Variants in ZNF746 observed in about 807,000 individuals in gnomAD.
ZNF746 encodes zinc finger protein 746, also known as parkin-interacting substrate.
A neutral mutation model predicts 41.0 loss-of-function variants in ZNF746; 13 were observed. The observed-to-expected ratio is 0.32, with a 90% CI of 0.21 to 0.50. The LOEUF is 0.50. Ranked by LOEUF, ZNF746 falls within the 20% of genes least tolerant of loss-of-function variation. ZNF746 has a pLI of 0.98. For synonymous variants in ZNF746, 424 were observed against 396.2 expected (o/e 1.07, Z -0.83); for missense variants, 811 against 922.9 (o/e 0.88, Z 1.57).
At chr7:149,495,526 C>T (rs573699946) in intron 1 of ZNF746, among the ~76,000 whole-genome samples, 12 of 152,284 alleles carry the variant, frequency 7.9e-5, no homozygotes, top group African/African-American at 2.9e-4. Context: ...TTGAGCCACC[C>T]ACATCTGAAT....
chr7:149,492,827 T>C (rs372852936), intron 4 of ZNF746, 32 bp downstream of exon 4: 12 of 1,488,344 alleles, frequency 8.1e-6, no homozygotes, highest in Non-Finnish European at 1.1e-5. Flanking sequence ...GCACAATACC[T>C]GATGCCTCCC....
chr7:149,474,647 G>T lies in ZNF746; in HGVS notation c.1720C>A (p.Arg574=). Residue 574 remains arginine, a synonymous_variant, in exon 7 of 7, where the codon CGA becomes AGA. Transcript: ENST00000458143. This position sits in a 1 kb window ranked among gnomAD's most constrained non-coding sequence, Gnocchi z 6.3. ...AAGGGCCGCACGCCCGTGTGCGTTC[G>T]GTAGTGGTCGATGAGCTTGGAGCGT... ...TERSKLIDHY[R]THTGVRPFTC... 3 of 1,613,400 alleles carry T rather than the reference G, an allele frequency of 1.9e-6. No individual in the cohort carries two copies. The highest frequency in any genetic ancestry group is 1.7e-6 in the Non-Finnish European group (2 of 1,179,764).
Position 149,497,520 on chromosome 7 carries a change from G to A in ZNF746, c.17C>T (p.Ala6Val), listed in dbSNP as rs1321819207. Residue 6 changes from alanine to valine, a missense_variant, in exon 1 of 7, where the codon GCG becomes GTG. Physicochemically the swap from Ala to Val is moderately conservative, Grantham distance 64. Around this residue, in one of 4 missense-constraint regions of ZNF746, gnomAD observed 147 missense variants for 233.4 expected, o/e 0.63. Transcript: ENST00000458143. This position sits in a 1 kb window ranked among gnomAD's most constrained non-coding sequence, Gnocchi z 4.2. Reference protein sequence around the residue: MAEAVAAPISPWTMAA... With the variant: MAEAVVAPISPWTMAA... ...CGCGCGGGTCGCCCTTACCGGAGCC[G>A]CGACCGCCTCGGCCATGGCCCTGCG... The A allele has an allele frequency of 9.1e-7, 1 of 1,101,988 alleles. No homozygotes were observed. Among genetic ancestry groups the A allele is most frequent in the Non-Finnish European group, 1.1e-6 (1 of 907,318 alleles). The allele number at this position is 1,101,988 out of a possible 1,614,324, so 68.3% of individuals were successfully genotyped here.
In ZNF746 at chr7:149,497,527, C is replaced by T; in HGVS notation, c.10G>A (p.Ala4Thr). The change falls in exon 1 of 7, where the codon GCG (alanine) becomes ACG (threonine). Residue 4 changes from alanine to threonine, a missense_variant. By Grantham distance (58) the Ala-to-Thr change is moderately conservative (BLOSUM62 0). Transcript: ENST00000458143. This position sits in a 1 kb window ranked among gnomAD's most constrained non-coding sequence, Gnocchi z 4.2. MAE[A>T]VAAPISPWTM... Reference sequence around the variant, plus strand: ...GTCGCCCTTACCGGAGCCGCGACCGCCTCGGCCATGGCCCTGCGCTGTCCC... The same window carrying T: ...GTCGCCCTTACCGGAGCCGCGACCGTCTCGGCCATGGCCCTGCGCTGTCCC... The T allele has an allele frequency of 1.8e-6, 2 of 1,100,866 alleles. No homozygotes were observed. The highest frequency in any genetic ancestry group is 2.2e-6 in the Non-Finnish European group (2 of 906,472). The allele number at this position is 1,100,866 out of a possible 1,614,324, so 68.2% of individuals were successfully genotyped here. A position where few individuals can be genotyped will look rare whatever the true frequency, so the allele number is the denominator to read the frequency against.
chr7:149,495,397 T>C (rs997773623), intron 1 of ZNF746, among the ~76,000 whole-genome samples: 3 of 152,138 alleles, frequency 2.0e-5, no homozygotes, highest in African/African-American at 4.8e-5. Flanking sequence ...ACAGCAACCA[T>C]CTTAATTAGA....
rs147005430 is a variant in ZNF746, at chr7:149,475,167, C to T, written c.1200G>A (p.Arg400=). Residue 400 remains arginine (R), a synonymous_variant, in exon 7 of 7, where the codon CGG becomes CGA. Transcript: ENST00000458143. ...FGGVRWGWNF[R]CKPPVGLNPR... ...GGTTCAGGCCCACTGGCGGTTTACACCGGAAATTCCAGCCCCACCGGACCC... is the reference window on the plus strand; with the variant it reads ...GGTTCAGGCCCACTGGCGGTTTACATCGGAAATTCCAGCCCCACCGGACCC... The T allele has an allele frequency of 5.2e-5, 84 of 1,612,510 alleles. No individual in the cohort carries two copies. The highest frequency in any genetic ancestry group is 7.0e-5 in the Non-Finnish European group (82 of 1,179,806).
At position 149,497,422 on chromosome 7, in the gene ZNF746, C is replaced by T. The variant is rs1163472328; in HGVS notation, c.24+91G>A. On this transcript the variant is annotated intron_variant, in intron 1 of 6. Transcript: ENST00000458143. This position sits in a 1 kb window ranked among gnomAD's most constrained non-coding sequence, Gnocchi z 4.2. ...CGGTGGTCCGGCCCGGACCCCGGAA[C>T]CCCTCCCCAGGGCCTGCGGCGCCGT... 2.1e-5 allele frequency: 22 copies of T among 1,030,940 alleles called. No individual in the cohort carries two copies. The highest frequency in any genetic ancestry group is 2.3e-5 in the Non-Finnish European group (20 of 857,690). 63.9% of individuals were successfully genotyped at this position (1,030,940 alleles called of 1,614,324 possible).
intron 4 of ZNF746, among the ~76,000 whole-genome samples, chr7:149,478,954 G>A (rs1203943586): frequency 6.6e-6 from 1 of 152,228 alleles, no homozygotes; most frequent in Non-Finnish European, 1.5e-5. Flanking sequence ...ACTTGGGAGA[G>A]AGATCCAGGG....
intron 4 of ZNF746, chr7:149,491,582 G>A: frequency 2.4e-6 from 1 of 413,220 alleles, no homozygotes; most frequent in Non-Finnish European, 4.5e-6. Flanking sequence ...AACTGTCAAT[G>A]TCCCGATGAC....
At chr7:149,492,551 G>A (rs964516362) in intron 4 of ZNF746, among the ~76,000 whole-genome samples, 1 of 152,166 alleles carries the variant, frequency 6.6e-6, no homozygotes, top group Non-Finnish European at 1.5e-5. Context: ...CCTGCGTTAA[G>A]GGTCAACTAT....
chr7:149,475,436 C>G lies in ZNF746; in HGVS notation c.931G>C (p.Val311Leu). ...TCAGTAGGATGTACGGGTGTGGCCA[C>G]CACCTCCTCTTCCTGGACTTCTGTT... is the stretch of plus-strand genomic sequence containing the variant. ...IKTEVQEEEVVATPVHPTDLE... is the reference protein window; with the variant it reads ...IKTEVQEEEVLATPVHPTDLE... The change falls in exon 7 of 7, where the codon GTG (valine) becomes CTG (leucine). Residue 311 changes from valine (V) to leucine (L), a missense_variant. Coordinates refer to ENST00000458143, the MANE Select transcript of ZNF746 (RefSeq NM_001394198.1). 1 of 1,613,428 alleles carries G rather than the reference C, an allele frequency of 6.2e-7. No homozygotes were observed. The highest frequency in any genetic ancestry group is 8.5e-7 in the Non-Finnish European group (1 of 1,179,776).
chr7:149,475,404 C>T lies in ZNF746; in HGVS notation c.963G>A (p.Glu321=). ...CTGGTCCAAACAGGGTCCCGTGAGC[C>T]TCTAGGTCAGTAGGATGTACGGGTG... ...VATPVHPTDL[E]AHGTLFGPGQ... is the part of the protein sequence containing the mutation. The change falls in exon 7 of 7, where the codon GAG becomes GAA. Residue 321 remains glutamate (E), a synonymous_variant. Transcript: ENST00000458143. The T allele has an allele frequency of 6.2e-7, 1 of 1,614,212 alleles. No homozygotes were observed. Among genetic ancestry groups the T allele is most frequent in the Non-Finnish European group, 8.5e-7 (1 of 1,180,028 alleles).
chr7:149,488,056 A>C (rs1332640344), intron 4 of ZNF746: 2 of 152,230 alleles, frequency 1.3e-5, no homozygotes, highest in Non-Finnish European at 2.9e-5. Flanking sequence ...TGACAAAGAG[A>C]CCAATGACAC....
In ZNF746 at chr7:149,497,175, G is replaced by A. The variant is rs1012673703; in HGVS notation, c.24+338C>T. On this transcript the variant is annotated intron_variant, in intron 1 of 6. Coordinates refer to ENST00000458143, the MANE Select transcript of ZNF746 (RefSeq NM_001394198.1). The surrounding 1 kb of genome is among the most constrained non-coding windows in gnomAD (Gnocchi z 4.2). The stretch of plus-strand genomic sequence containing the variant: ...AGAGGGACCTACAGGCCGAGCGCCA[G>A]GCAGAGAAAGGAGCCGCGGGTGGGG... The A allele has an allele frequency of 1.1e-5, 11 of 985,376 alleles. No homozygotes were observed. Among genetic ancestry groups the A allele is most frequent in the Non-Finnish European group, 1.3e-5 (11 of 829,902 alleles). The allele number at this position is 985,376 out of a possible 1,614,324, so 61.0% of individuals were successfully genotyped here. A position where few individuals can be genotyped will look rare whatever the true frequency, so the allele number is the denominator to read the frequency against.
At chr7:149,482,992 GC>G (rs1207707328) in intron 4 of ZNF746, among the ~76,000 whole-genome samples, 1 of 152,010 alleles carries the variant, frequency 6.6e-6, no homozygotes, top group Non-Finnish European at 1.5e-5. Flanking sequence ...GAAAACACAA[GC>G]TTTTTAAGCT....
rs1419501765 is a variant in ZNF746 at position 149,477,754 on chromosome 7, G to A, written c.567C>T (p.Gly189=). Residue 189 remains glycine, a splice_region_variant and synonymous_variant, in exon 5 of 7, where the codon GGC becomes GGT. Transcript: ENST00000458143. Reference sequence around the variant, plus strand: ...CTGGGGCGGGAACTGGGGGCCCCGAGCCTAGGAAAGGGAGTGAGTGTGAGG... The same window carrying A: ...CTGGGGCGGGAACTGGGGGCCCCGAACCTAGGAAAGGGAGTGAGTGTGAGG... ...IPDVPVDPSP[G]SGPPVPAPDL... 1.2e-6 allele frequency: 2 copies of A among 1,601,912 alleles called. No individual in the cohort carries two copies. Among genetic ancestry groups the A allele is most frequent in the South Asian group, 2.2e-5 (2 of 90,334 alleles).
chr7:149,474,918 G>T lies in ZNF746; in HGVS notation c.1449C>A (p.Ser483Arg). 1 of 1,540,510 alleles carries T rather than the reference G, an allele frequency of 6.5e-7. No homozygotes were observed. Among genetic ancestry groups the T allele is most frequent in the Non-Finnish European group, 8.7e-7 (1 of 1,146,368 alleles). Residue 483 changes from serine (S) to arginine (R), a missense_variant, in exon 7 of 7, where the codon AGC becomes AGA. Ser to Arg is a moderately radical substitution (Grantham distance 110). This residue lies in a region of ZNF746 where 495 missense variants were observed against 481.6 expected (regional missense o/e 1.03). Coordinates refer to ENST00000458143, the MANE Select transcript of ZNF746 (RefSeq NM_001394198.1). This position sits in a 1 kb window ranked among gnomAD's most constrained non-coding sequence, Gnocchi z 6.3. ...TCGKSFQLQV[S>R]LSAHQRSCGA... is the part of the protein sequence containing the mutation. ...CACAGCTGCGCTGGTGCGCGCTCAGGCTGACTTGCAGCTGGAAGCTCTTCC... is the reference window on the plus strand; with the variant it reads ...CACAGCTGCGCTGGTGCGCGCTCAGTCTGACTTGCAGCTGGAAGCTCTTCC...
rs564938904 is a variant in ZNF746 at position 149,482,926 on chromosome 7, G to C, written c.566-5171C>G. 5.9e-5 allele frequency among the ~76,000 whole-genome samples: 9 copies of C among 152,204 alleles called. No homozygotes were observed. In the South Asian group the frequency reaches 1.7e-3, roughly 28 times the overall value. Reference sequence around the variant, plus strand: ...GCCAACTAAAGGTTATATAAAATTTGAGCAACTCTACTAACAAACCTGATT... The same window carrying C: ...GCCAACTAAAGGTTATATAAAATTTCAGCAACTCTACTAACAAACCTGATT... On this transcript the variant is annotated intron_variant, in intron 4 of 6. Coordinates refer to ENST00000458143, the MANE Select transcript of ZNF746 (RefSeq NM_001394198.1).
intron 4 of ZNF746, among the ~76,000 whole-genome samples, chr7:149,492,560 A>G (rs1353546369): frequency 6.6e-6 from 1 of 152,152 alleles, no homozygotes; most frequent in African/African-American, 2.4e-5. Flanking sequence ...AGGGTCAACT[A>G]TGCTCCTGCC....
Sources: gnomAD v4.1 joint callset for allele counts (sites outside exome capture counted in the v4.1 genomes callset) on GRCh38, gnomAD v4.1.1 for gene constraint, gnomAD v4.1.1 regional missense constraint, Gnocchi (gnomAD v3.1) non-coding constraint, MANE v1.5 for transcripts, NCBI Gene and HGNC (gene_info 2026-07-23, HGNC 2026-07-21) for gene names.